NPEPPS: variants seen among roughly 807,000 people sequenced by gnomAD.
The protein encoded by NPEPPS is puromycin-sensitive aminopeptidase.
A neutral mutation model predicts 115.5 loss-of-function variants in NPEPPS; 14 were observed. That is an observed-to-expected ratio of 0.12 (90% CI 0.08 to 0.19). The LOEUF (loss-of-function observed/expected upper bound fraction) is 0.19. Among genes scored for constraint, NPEPPS ranks in the 10% least tolerant of loss-of-function variants. NPEPPS has a pLI of 1.00. For synonymous variants in NPEPPS, 285 were observed against 390.6 expected (o/e 0.73, Z 3.19); for missense variants, 523 against 1,110.8 (o/e 0.47, Z 7.52).
At position 47,605,393 on chromosome 17, in the gene NPEPPS, G is replaced by T; in HGVS notation, c.1936G>T (p.Glu646Ter). 6.2e-7 allele frequency: 1 copy of T among 1,611,708 alleles called. No individual in the cohort carries two copies. The change falls in exon 17 of 23, where the codon GAG (glutamate) becomes TAG (stop). Residue 646 changes from glutamate (E) to a stop codon, truncating the protein, a stop_gained. Transcript: ENST00000322157. LOFTEE classifies it high-confidence loss of function. ...VLKVMEAFVNEPNYTVWSDLS... is the reference protein window; with the variant it reads ...VLKVMEAFVN ...AAAAGTCATGGAGGCTTTTGTGAAT[G>T]AGCCCAATTATACTGTATGGAGCGA...
chr17:47,578,303 A>G (rs1911656496), intron 3 of NPEPPS, among the ~76,000 whole-genome samples: 1 of 152,074 alleles, frequency 6.6e-6, no homozygotes, highest in African/African-American at 2.4e-5. Flanking sequence ...TTAGTATATA[A>G]AAGTTTGGTA....
chr17:47,581,276 C>A (rs1031647032), intron 4 of NPEPPS: 1 of 152,056 alleles, frequency 6.6e-6, no homozygotes, highest in African/African-American at 2.4e-5. Flanking sequence ...GTTCACTTTT[C>A]ATTGATTTTT....
Position 47,622,932 on chromosome 17 carries a change from T to C in NPEPPS, c.*1012T>C. 1 of 455,952 alleles carries C rather than the reference T, an allele frequency of 2.2e-6. No homozygotes were observed. The highest frequency in any genetic ancestry group is 6.9e-5 in the East Asian group (1 of 14,412). 28.2% of individuals were successfully genotyped at this position (455,952 alleles called of 1,614,324 possible). ...CGTGCGAGAAGTCAGTGGTAACTGC[T>C]GCAGGGCTTAATACATTAGTGGTAA... On this transcript the variant is annotated 3_prime_UTR_variant, in exon 23 of 23. Transcript: ENST00000322157.
intron 2 of NPEPPS, among the ~76,000 whole-genome samples, chr17:47,562,607 AGTGTGTGT>A (rs4060776): frequency 7.5e-5 from 11 of 147,276 alleles, no homozygotes; most frequent in African/African-American, 1.0e-4. Flanking sequence ...TTTGATGCAG[AGTGTGTGT>A]GTGTGTGTGT....
At chr17:47,568,232 C>T (rs1359093320) in intron 2 of NPEPPS, among the ~76,000 whole-genome samples, 52 of 151,210 alleles carry the variant, frequency 3.4e-4, no homozygotes, top group African/African-American at 1.2e-3. Flanking sequence ...GGCACAATCT[C>T]GGCTCACTGC....
intron 1 of NPEPPS, among the ~76,000 whole-genome samples, chr17:47,523,481 C>T (rs981875000): frequency 1.9e-4 from 28 of 151,062 alleles, no homozygotes; most frequent in African/African-American, 5.1e-4. Context: ...AGTGCAATGG[C>T]GTGATCTTGA....
At chr17:47,590,059 A>G (rs953722713) in intron 9 of NPEPPS, among the ~76,000 whole-genome samples, 13 of 151,804 alleles carry the variant, frequency 8.6e-5, no homozygotes, top group African/African-American at 2.7e-4. Context: ...GACTGAATGC[A>G]CTGGCTTACG....
upstream of NPEPPS, among the ~76,000 whole-genome samples, chr17:47,530,725 G>C (rs1294875270): frequency 6.6e-6 from 1 of 152,208 alleles, no homozygotes; most frequent in Non-Finnish European, 1.5e-5. Context: ...ACTAAGGCCA[G>C]AGAGCCTCAA....
intron 17 of NPEPPS, among the ~76,000 whole-genome samples, chr17:47,610,540 C>T (rs1473877769): frequency 6.6e-6 from 1 of 151,828 alleles, no homozygotes; most frequent in Non-Finnish European, 1.5e-5. Flanking sequence ...CACGCCACCA[C>T]GCCCAGCTAA....
At chr17:47,534,955 A>C (rs890899925) in intron 1 of NPEPPS, among the ~76,000 whole-genome samples, 2 of 151,042 alleles carry the variant, frequency 1.3e-5, no homozygotes, top group Non-Finnish European at 2.9e-5. Flanking sequence ...TTAAAAATCA[A>C]TTGTCTTGGC....
intron 17 of NPEPPS, among the ~76,000 whole-genome samples, chr17:47,605,933 A>G (rs1178786282): frequency 6.6e-6 from 1 of 152,078 alleles, no homozygotes; most frequent in Non-Finnish European, 1.5e-5. Context: ...GCTGGAGTGC[A>G]ATGGCGCGAT....
intron 2 of NPEPPS, among the ~76,000 whole-genome samples, chr17:47,546,226 G>C (rs1462598784): frequency 6.6e-6 from 1 of 152,100 alleles, no homozygotes; most frequent in African/African-American, 2.4e-5. Context: ...ATGAGTTTGA[G>C]ACCAGCCTGG....
intron 2 of NPEPPS, among the ~76,000 whole-genome samples, chr17:47,556,812 T>G (rs1910074251): frequency 2.0e-5 from 3 of 152,108 alleles, no homozygotes; most frequent in African/African-American, 4.8e-5. Context: ...CCCGGCTAAT[T>G]TTTGTATTTT....
chr17:47,574,953 A>G (rs1166807296), intron 3 of NPEPPS, among the ~76,000 whole-genome samples: 9 of 152,328 alleles, frequency 5.9e-5, no homozygotes, highest in African/African-American at 1.7e-4. Context: ...CAGAAAAATG[A>G]TTTCATTAAC....
intron 3 of NPEPPS, among the ~76,000 whole-genome samples, chr17:47,577,842 A>G (rs1911614701): frequency 6.6e-6 from 1 of 152,168 alleles, no homozygotes; most frequent in Non-Finnish European, 1.5e-5. Flanking sequence ...CACTCCCCAT[A>G]ACTTTTGGTC....
intron 2 of NPEPPS, among the ~76,000 whole-genome samples, chr17:47,559,914 C>T (rs1029063645): frequency 1.3e-5 from 2 of 152,146 alleles, no homozygotes; most frequent in Non-Finnish European, 2.9e-5. Flanking sequence ...CACAAAGCCC[C>T]CAGTGTTGAT....
At chr17:47,578,114 A>G (rs890559348) in intron 3 of NPEPPS, among the ~76,000 whole-genome samples, 3 of 151,004 alleles carry the variant, frequency 2.0e-5, no homozygotes, top group South Asian at 2.1e-4. Flanking sequence ...CTGAGGCACA[A>G]TTGCTTGAAC....
chr17:47,555,954 TTTTA>T (rs1460318000), intron 2 of NPEPPS, among the ~76,000 whole-genome samples: 1 of 151,242 alleles, frequency 6.6e-6, no homozygotes, highest in African/African-American at 2.4e-5. Flanking sequence ...TCAGGGCTCA[TTTTA>T]TTTATTTGTG....
chr17:47,567,953 A>T (rs1173349972), intron 2 of NPEPPS, among the ~76,000 whole-genome samples: 1 of 152,136 alleles, frequency 6.6e-6, no homozygotes, highest in Non-Finnish European at 1.5e-5. Context: ...AAATAATGCT[A>T]CTATGAACAT....
Sources: gnomAD v4.1 joint callset for allele counts (sites outside exome capture counted in the v4.1 genomes callset) on GRCh38, gnomAD v4.1.1 for gene constraint, MANE v1.5 for transcripts, NCBI Gene and HGNC (gene_info 2026-07-23, HGNC 2026-07-21) for gene names.